The following LRP1B variants were observed in gnomAD, a reference collection of about 807,000 sequenced individuals.
The protein encoded by LRP1B is low-density lipoprotein receptor-related protein 1B.
A neutral mutation model predicts 556.6 loss-of-function variants in LRP1B; 217 were observed. The ratio of observed to expected loss-of-function variants is 0.39; its 90% CI spans 0.35 to 0.44. The LOEUF (loss-of-function observed/expected upper bound fraction) is 0.44. Ranked by LOEUF, LRP1B falls within the 20% of genes least tolerant of loss-of-function variation. The probability of loss-of-function intolerance (pLI) is 1.00; values close to 1 mark genes in which losing one functional copy is unlikely to be tolerated. For synonymous variants in LRP1B, 2,047 were observed against 1,865.8 expected, an observed-to-expected ratio of 1.10 and a Z score of -2.50; for missense variants, 5,053 against 5,620.8, an observed-to-expected ratio of 0.90 and a Z score of 3.23.
chr2:141,162,359 C>T (rs1019825383), intron 7 of LRP1B, among the ~76,000 whole-genome samples: 33 of 151,896 alleles, frequency 2.2e-4, no homozygotes, highest in African/African-American at 5.8e-4. Flanking sequence ...GGTATGGGGA[C>T]GAAAGGAGTA....
intron 65 of LRP1B, among the ~76,000 whole-genome samples, chr2:140,442,900 T>C (rs1056307852): frequency 6.6e-6 from 1 of 152,160 alleles, no homozygotes; most frequent in Non-Finnish European, 1.5e-5. Context: ...AATACTAATT[T>C]TAAGAATTAA....
chr2:140,687,848 C>G (rs1041481922), intron 41 of LRP1B, among the ~76,000 whole-genome samples: 1 of 151,994 alleles, frequency 6.6e-6, no homozygotes, highest in Admixed American at 6.6e-5. Flanking sequence ...TCAAGGGGAA[C>G]CCTGAATTCA....
intron 1 of LRP1B, among the ~76,000 whole-genome samples, chr2:141,857,502 T>TAAA (rs147374005): frequency 3.3e-5 from 5 of 150,160 alleles, no homozygotes; most frequent in Admixed American, 1.3e-4. Context: ...CCAGCTAAAT[T>TAAA]AAAAAAAAAA....
chr2:141,787,013 A>G (rs1695451134), intron 2 of LRP1B, among the ~76,000 whole-genome samples: 1 of 151,930 alleles, frequency 6.6e-6, no homozygotes, highest in Non-Finnish European at 1.5e-5. Context: ...TTACAATGTT[A>G]TGCATTTTAT....
Position 140,541,932 on chromosome 2 carries a change from C to A in LRP1B, c.7234G>T (p.Ala2412Ser), listed in dbSNP as rs146368852. The A allele has an allele frequency of 1.8e-4, 294 of 1,609,114 alleles. No homozygotes were observed. In the African/African-American group the frequency reaches 3.3e-3, roughly 18 times the overall value. ...KSGPGTFLSLAVYDNYIFWSD... is the reference protein window; with the variant it reads ...KSGPGTFLSLSVYDNYIFWSD... ...CAGAATATATAATTGTCATAAACAGCCAAACTGAGGAAAGTCCCTGGCCCA... is the reference window on the plus strand; with the variant it reads ...CAGAATATATAATTGTCATAAACAGACAAACTGAGGAAAGTCCCTGGCCCA... The change falls in exon 44 of 91, where the codon GCT becomes TCT. Residue 2412 changes from alanine (A) to serine (S), a missense_variant. Around this residue, in one of 5 missense-constraint regions of LRP1B, gnomAD observed 3,619 missense variants for 3,931.9 expected, o/e 0.92. Coordinates refer to ENST00000389484, the MANE Select transcript of LRP1B (RefSeq NM_018557.3).
intron 1 of LRP1B, among the ~76,000 whole-genome samples, chr2:142,113,814 AG>A (rs1340063662): frequency 2.0e-5 from 3 of 152,100 alleles, no homozygotes; most frequent in Non-Finnish European, 4.4e-5. Flanking sequence ...GATAATTACT[AG>A]AGCCTCTTAT....
intron 22 of LRP1B, among the ~76,000 whole-genome samples, chr2:140,906,371 T>C (rs1694254084): frequency 6.6e-6 from 1 of 152,282 alleles, no homozygotes; most frequent in Non-Finnish European, 1.5e-5. Context: ...ATTTGGGAAG[T>C]GAAGAATAGG....
At chr2:141,929,476 T>C (rs1700426418) in intron 1 of LRP1B, among the ~76,000 whole-genome samples, 1 of 151,768 alleles carries the variant, frequency 6.6e-6, no homozygotes, top group Non-Finnish European at 1.5e-5. Flanking sequence ...GATTGAACCA[T>C]TTTTTTTAAA....
Position 142,009,111 on chromosome 2 carries a change from T to C in LRP1B, c.82+121537A>G, listed in dbSNP as rs140501580. ...ATTCAAAAAAAGAAATTTTGGAAAT[T>C]GTTGCAGGAATTGCTTTTGTTTGTT... On this transcript the variant is annotated intron_variant, in intron 1 of 90. Transcript: ENST00000389484. Among the ~76,000 whole-genome samples the C allele has an allele frequency of 5.0e-3, 767 of 152,288 alleles. 7 individuals carry two copies. Among genetic ancestry groups the C allele is most frequent in the Non-Finnish European group, 8.9e-3 (608 of 68,016 alleles).
chr2:141,088,450 C>G (rs1700098531), intron 7 of LRP1B, among the ~76,000 whole-genome samples: 1 of 151,848 alleles, frequency 6.6e-6, no homozygotes, highest in South Asian at 2.1e-4. Context: ...TTTTCAAAGT[C>G]CTGCTTGAAA....
At chr2:141,934,103 A>G (rs1700572854) in intron 1 of LRP1B, among the ~76,000 whole-genome samples, 1 of 152,210 alleles carries the variant, frequency 6.6e-6, no homozygotes, top group Non-Finnish European at 1.5e-5. Context: ...AGGATATTTG[A>G]ATAAAAATGT....
chr2:140,613,599 C>T (rs1683158692), intron 41 of LRP1B, among the ~76,000 whole-genome samples: 1 of 151,202 alleles, frequency 6.6e-6, no homozygotes, highest in Admixed American at 6.6e-5. Context: ...TCCTTGGAGC[C>T]TACTTCTCAA....
chr2:141,098,875 T>C (rs1700389611), intron 7 of LRP1B, among the ~76,000 whole-genome samples: 1 of 152,180 alleles, frequency 6.6e-6, no homozygotes. Context: ...CAGGCTGGTC[T>C]TGAACTCCCG....
At chr2:141,609,124 T>C (rs1162330604) in intron 2 of LRP1B, among the ~76,000 whole-genome samples, 3 of 152,222 alleles carry the variant, frequency 2.0e-5, no homozygotes, top group Admixed American at 2.0e-4. Context: ...ACGTCAACAA[T>C]GGACCATCAA....
At chr2:141,435,705 T>G (rs1680738880) in intron 3 of LRP1B, among the ~76,000 whole-genome samples, 1 of 152,212 alleles carries the variant, frequency 6.6e-6, no homozygotes, top group African/African-American at 2.4e-5. Context: ...CCTGTCTCAT[T>G]GTGGCACTTC....
chr2:142,115,489 A>ATATTATATATGTAATAT (rs373166529), intron 1 of LRP1B, among the ~76,000 whole-genome samples: 1 of 72,842 alleles, frequency 1.4e-5, no homozygotes, highest in Non-Finnish European at 2.7e-5. Flanking sequence ...TATAATATAT[A>ATATTATATATGTAATAT]ATTATATATA....
At chr2:141,063,982 A>G (rs549801080) in intron 7 of LRP1B, among the ~76,000 whole-genome samples, 1 of 151,934 alleles carries the variant, frequency 6.6e-6, no homozygotes, top group East Asian at 2.0e-4. Flanking sequence ...GTACTTAAGG[A>G]GAGAGGTGAG....
rs1223371869 is a variant in LRP1B at position 140,525,842 on chromosome 2, A to T, written c.8026+2T>A. ...CTGTGTTTTTCTAAATTCTAGTATT[A>T]CCTGGGCACTTTAATTCATCTGAAT... On this transcript the variant is annotated splice_donor_variant, in intron 49 of 90. Transcript: ENST00000389484. LOFTEE classifies it high-confidence loss of function. The T allele has an allele frequency of 1.2e-6, 2 of 1,611,088 alleles. No homozygotes were observed. The highest frequency in any genetic ancestry group is 4.5e-5 in the East Asian group (2 of 44,806).
intron 7 of LRP1B, among the ~76,000 whole-genome samples, chr2:141,065,166 T>C (rs143214360): frequency 6.6e-6 from 1 of 152,054 alleles, no homozygotes; most frequent in Middle Eastern, 3.4e-3. Flanking sequence ...GTCACCTAGA[T>C]TCACCAGTTG....
Sources: gnomAD v4.1 joint callset for allele counts (sites outside exome capture counted in the v4.1 genomes callset) on GRCh38, gnomAD v4.1.1 for gene constraint, gnomAD v4.1.1 regional missense constraint, MANE v1.5 for transcripts, NCBI Gene and HGNC (gene_info 2026-07-23, HGNC 2026-07-21) for gene names.